KLHL29: variants seen among roughly 807,000 people sequenced by gnomAD.
KLHL29 encodes kelch-like protein 29.
KLHL29 carries 21 observed loss-of-function variants against 80.4 expected under a neutral mutation model. The ratio of observed to expected loss-of-function variants is 0.26; its 90% CI spans 0.19 to 0.38. The LOEUF is 0.38. Ranked by LOEUF, KLHL29 falls within the 10% of genes least tolerant of loss-of-function variation. The pLI is 1.00. For synonymous variants in KLHL29, 511 were observed against 526.8 expected, an observed-to-expected ratio of 0.97 and a Z score of 0.41; for missense variants, 867 against 1,223.9, an observed-to-expected ratio of 0.71 and a Z score of 4.35.
At chr2:23,509,828 G>T (rs970833147) in intron 2 of KLHL29, among the ~76,000 whole-genome samples, 4 of 152,130 alleles carry the variant, frequency 2.6e-5, no homozygotes, top group African/African-American at 7.2e-5. Flanking sequence ...GAGCGGCTGG[G>T]TGCTGCTTTT....
rs531157309 is a variant in KLHL29 at position 23,642,467 on chromosome 2, C to A, written c.557C>A (p.Thr186Asn). Residue 186 changes from threonine to asparagine, a missense_variant, in exon 5 of 14, where the codon ACC becomes AAC. Physicochemically the swap from Thr to Asn is moderately conservative, Grantham distance 65. Coordinates refer to ENST00000486442, the MANE Select transcript of KLHL29 (RefSeq NM_052920.2). The part of the protein sequence containing the change: ...VNVQAPVIGV[T>N]PSLPPHVGPQ... ...GTCCAGGCCCCGGTCATTGGGGTGACCCCCTCACTGCCTCCCCACGTGGGG... is the reference window on the plus strand; with the variant it reads ...GTCCAGGCCCCGGTCATTGGGGTGAACCCCTCACTGCCTCCCCACGTGGGG... The A allele has an allele frequency of 5.3e-6, 8 of 1,512,326 alleles. No individual in the cohort carries two copies. The African/African-American group carries it at 5.5e-5, about 10-fold the overall frequency. 93.7% of individuals were successfully genotyped at this position (1,512,326 alleles called of 1,614,324 possible). A position where few individuals can be genotyped will look rare whatever the true frequency, so the allele number is the denominator to read the frequency against.
intron 2 of KLHL29, among the ~76,000 whole-genome samples, chr2:23,534,476 C>T (rs1218801889): frequency 1.3e-5 from 2 of 152,114 alleles, no homozygotes; most frequent in East Asian, 3.9e-4. Context: ...CTTTCAGAGG[C>T]TACTATGAAT....
At chr2:23,421,480 C>T (rs1166351917) in intron 1 of KLHL29, among the ~76,000 whole-genome samples, 1 of 151,548 alleles carries the variant, frequency 6.6e-6, no homozygotes, top group Admixed American at 6.6e-5. Flanking sequence ...GGTACAAAGT[C>T]ATTCTGCTTG....
At chr2:23,583,386 G>C (rs77479177) in intron 3 of KLHL29, among the ~76,000 whole-genome samples, 5 of 152,216 alleles carry the variant, frequency 3.3e-5, no homozygotes, top group Non-Finnish European at 7.3e-5. Context: ...TGCTGACCTC[G>C]TCTCTGCTGA....
chr2:23,501,977 A>G (rs1665458415), intron 2 of KLHL29, among the ~76,000 whole-genome samples: 1 of 152,112 alleles, frequency 6.6e-6, no homozygotes, highest in South Asian at 2.1e-4. Flanking sequence ...CATCACCTGC[A>G]TTTTCAAACC....
chr2:23,428,028 A>G (rs766081682), intron 1 of KLHL29, among the ~76,000 whole-genome samples: 2 of 152,218 alleles, frequency 1.3e-5, no homozygotes, highest in Admixed American at 6.5e-5. Context: ...AGCCATCAGC[A>G]TGCGTGAAAA....
At chr2:23,516,491 CA>C (rs1363369677) in intron 2 of KLHL29, among the ~76,000 whole-genome samples, 2 of 152,160 alleles carry the variant, frequency 1.3e-5, no homozygotes, top group Non-Finnish European at 2.9e-5. Flanking sequence ...TCTTCCCCTG[CA>C]CACAGCAGAC....
Position 23,607,483 on chromosome 2 carries a change from A to C in KLHL29, c.286-31656A>C, listed in dbSNP as rs535980117. On this transcript the variant is annotated intron_variant, in intron 3 of 13. Transcript: ENST00000486442. Reference sequence around the variant, plus strand: ...GGTTTTTTAGTCTTGAACCAAATGGAAAAGTTACTTTTAATGAAATATCTG... The same window carrying C: ...GGTTTTTTAGTCTTGAACCAAATGGCAAAGTTACTTTTAATGAAATATCTG... 1.2e-4 allele frequency among the ~76,000 whole-genome samples: 18 copies of C among 152,354 alleles called. No homozygotes were observed. The East Asian group carries it at 3.5e-3, about 29-fold the overall frequency.
At chr2:23,699,739 A>C (rs1002884079) in intron 11 of KLHL29, among the ~76,000 whole-genome samples, 1 of 151,968 alleles carries the variant, frequency 6.6e-6, no homozygotes. Flanking sequence ...ATCCCACCCC[A>C]TAACACACTG....
At chr2:23,521,508 G>A (rs565863188) in intron 2 of KLHL29, among the ~76,000 whole-genome samples, 2 of 152,310 alleles carry the variant, frequency 1.3e-5, no homozygotes, top group African/African-American at 4.8e-5. Flanking sequence ...GCTGCATTGG[G>A]CCAGCTGGGC....
chr2:23,696,326 C>G lies in KLHL29; in HGVS notation c.1925-7C>G. ...CCCGCTCTCTCTGCCTCCCACACTG[C>G]CTCCAGGTGGGATGGAATCAGGGGT... On this transcript the variant is annotated splice_region_variant and splice_polypyrimidine_tract_variant and intron_variant, in intron 10 of 13. Transcript: ENST00000486442. This position sits in a 1 kb window ranked among gnomAD's most constrained non-coding sequence, Gnocchi z 5.5. 1 of 1,551,048 alleles carries G rather than the reference C, an allele frequency of 6.4e-7. No individual in the cohort carries two copies. The highest frequency in any genetic ancestry group is 8.7e-7 in the Non-Finnish European group (1 of 1,146,590).
chr2:23,535,285 C>T (rs1164998726), intron 2 of KLHL29, among the ~76,000 whole-genome samples: 1 of 152,218 alleles, frequency 6.6e-6, no homozygotes, highest in Non-Finnish European at 1.5e-5. Flanking sequence ...TGAGCTAGGA[C>T]TCCACACACA....
chr2:23,554,892 G>GC (rs1667244509), intron 2 of KLHL29, among the ~76,000 whole-genome samples: 1 of 152,242 alleles, frequency 6.6e-6, no homozygotes, highest in African/African-American at 2.4e-5. Flanking sequence ...GTCCGACACC[G>GC]CCCCCCAACA....
At chr2:23,418,512 A>T (rs183844452) in intron 1 of KLHL29, among the ~76,000 whole-genome samples, 13 of 152,320 alleles carry the variant, frequency 8.5e-5, no homozygotes, top group Admixed American at 6.5e-4. Context: ...GTGCCCTGGC[A>T]TTTCTGAGCT....
chr2:23,535,786 CAG>C (rs1240313097), intron 2 of KLHL29, among the ~76,000 whole-genome samples: 1 of 152,052 alleles, frequency 6.6e-6, no homozygotes, highest in Non-Finnish European at 1.5e-5. Context: ...TTTTAGTGGG[CAG>C]AGTTTCAGTT....
chr2:23,501,720 C>T (rs1545008), intron 2 of KLHL29, among the ~76,000 whole-genome samples: 101,676 of 151,894 alleles, frequency 0.67, 34,182 homozygotes, highest in African/African-American at 0.7. Context: ...CTATAGGTCC[C>T]CTCTAAATAT....
At chr2:23,644,981 T>G (rs921602491) in intron 5 of KLHL29, among the ~76,000 whole-genome samples, 1 of 152,230 alleles carries the variant, frequency 6.6e-6, no homozygotes, top group African/African-American at 2.4e-5. Context: ...CACTGGCTCT[T>G]TCCTCGAAAT....
intron 2 of KLHL29, among the ~76,000 whole-genome samples, chr2:23,517,146 G>A (rs955543864): frequency 5.9e-5 from 9 of 152,194 alleles, no homozygotes; most frequent in African/African-American, 1.7e-4. Flanking sequence ...AGGCAGAGGC[G>A]CGTCCTCTCT....
intron 3 of KLHL29, among the ~76,000 whole-genome samples, chr2:23,594,868 C>A (rs1269369804): frequency 6.6e-6 from 1 of 152,148 alleles, no homozygotes; most frequent in Non-Finnish European, 1.5e-5. Flanking sequence ...AAGGTCAGGA[C>A]ATTTATTTAT....
Sources: allele counts gnomAD v4.1 joint callset (sites outside exome capture counted in the v4.1 genomes callset), GRCh38; gene constraint gnomAD v4.1.1; non-coding constraint Gnocchi (gnomAD v3.1); transcripts MANE v1.5; gene names NCBI Gene and HGNC (gene_info 2026-07-23, HGNC 2026-07-21).